Variants in FAM13A observed in about 807,000 individuals in gnomAD.
FAM13A encodes protein FAM13A.
Under a neutral mutation model 129.6 loss-of-function variants are expected in FAM13A, and 76 were observed. The observed-to-expected ratio is 0.59, with a 90% confidence interval of 0.49 to 0.71. FAM13A has a LOEUF of 0.71. FAM13A is among the 30% of genes least tolerant of loss of function. The pLI, the probability that FAM13A is intolerant of heterozygous loss-of-function variation, is 0.00. For missense variants in FAM13A, 1,108 were observed against 1,249.3 expected, an observed-to-expected ratio of 0.89 and a Z score of 1.70; for synonymous variants, 443 against 449.9, an observed-to-expected ratio of 0.98 and a Z score of 0.20.
At chr4:88,812,523 T>C (rs1481534552) in intron 7 of FAM13A, among the ~76,000 whole-genome samples, 1 of 152,186 alleles carries the variant, frequency 6.6e-6, no homozygotes. Flanking sequence ...GTACATGTTG[T>C]TCTTTCTACC....
intron 6 of FAM13A, among the ~76,000 whole-genome samples, chr4:88,895,140 T>C (rs1323622599): frequency 6.6e-6 from 1 of 152,132 alleles, no homozygotes; most frequent in Non-Finnish European, 1.5e-5. Flanking sequence ...ACTTGACTGA[T>C]GTTAGTTATC....
intron 6 of FAM13A, among the ~76,000 whole-genome samples, chr4:88,891,412 C>A (rs936055167): frequency 6.6e-6 from 1 of 151,982 alleles, no homozygotes; most frequent in Non-Finnish European, 1.5e-5. Flanking sequence ...ACAGAGAGAA[C>A]CTGCCTCAAG....
At chr4:88,852,000 G>A (rs1272134086) in intron 6 of FAM13A, among the ~76,000 whole-genome samples, 2 of 152,092 alleles carry the variant, frequency 1.3e-5, no homozygotes, top group African/African-American at 4.8e-5. Context: ...TTGGTACACT[G>A]GAAGCTTTTT....
In FAM13A at chr4:88,906,476, A is replaced by G; in HGVS notation, c.760-14T>C. The G allele has an allele frequency of 1.3e-6, 2 of 1,555,844 alleles. No individual in the cohort carries two copies. Among genetic ancestry groups the G allele is most frequent in the Non-Finnish European group, 1.8e-6 (2 of 1,137,662 alleles). On this transcript the variant is annotated splice_polypyrimidine_tract_variant and intron_variant, in intron 5 of 23. Transcript: ENST00000264344. ...ATAATAGACCTCCTACAAAAGAAGT[A>G]TAAAGGAAACATTAGAGATTAAAGA...
At chr4:88,848,919 C>T (rs1351479263) in intron 7 of FAM13A, among the ~76,000 whole-genome samples, 1 of 152,194 alleles carries the variant, frequency 6.6e-6, no homozygotes, top group Non-Finnish European at 1.5e-5. Context: ...AGTTCTCCCC[C>T]AAATTGTCCT....
chr4:88,882,617 G>T (rs745842788), intron 6 of FAM13A, among the ~76,000 whole-genome samples: 3 of 151,132 alleles, frequency 2.0e-5, no homozygotes, highest in Non-Finnish European at 4.4e-5. Context: ...AAAAAACAAG[G>T]TCTTCAGGCA....
At chr4:88,939,671 T>C (rs1036434508) in intron 4 of FAM13A, among the ~76,000 whole-genome samples, 2 of 152,138 alleles carry the variant, frequency 1.3e-5, no homozygotes, top group Non-Finnish European at 1.5e-5. Flanking sequence ...GCAAAGGTGA[T>C]AGGATGTCGC....
intron 17 of FAM13A, among the ~76,000 whole-genome samples, chr4:88,748,279 C>T (rs1741813510): frequency 6.6e-6 from 1 of 152,170 alleles, no homozygotes. Context: ...TATCTAGTTA[C>T]AGTATCAGTA....
At position 88,987,838 on chromosome 4, in the gene FAM13A, C is replaced by CAAAAAAA. The variant is rs1158179811; in HGVS notation, c.605+3128_605+3134dup. 4.5e-4 allele frequency among the ~76,000 whole-genome samples: 32 copies of CAAAAAAA among 71,154 alleles called. 3 individuals are homozygous for CAAAAAAA. Among genetic ancestry groups the CAAAAAAA allele is most frequent in the South Asian group, 2.4e-3 (4 of 1,646 alleles). 46.7% of individuals were successfully genotyped at this position (71,154 alleles called of 152,430 possible). On this transcript the variant is annotated intron_variant, in intron 4 of 23. Coordinates refer to ENST00000264344, the MANE Select transcript of FAM13A (RefSeq NM_014883.4). Reference sequence around the variant, plus strand: ...GCCTGGGTGACAGTGAGACTCCTCTCAAAAAAAAAAAAAAAAACTTAATCT... The same window carrying CAAAAAAA: ...GCCTGGGTGACAGTGAGACTCCTCTCAAAAAAAAAAAAAAAAAAAAAAAACTTAATCT...
intron 3 of FAM13A, among the ~76,000 whole-genome samples, chr4:88,993,664 C>A (rs572277365): frequency 6.6e-6 from 1 of 152,008 alleles, no homozygotes; most frequent in African/African-American, 2.4e-5. Context: ...GGAAGGGAGA[C>A]GGATGTATTT....
chr4:88,756,290 G>A (rs1743619789), intron 14 of FAM13A, among the ~76,000 whole-genome samples: 1 of 152,164 alleles, frequency 6.6e-6, no homozygotes, highest in South Asian at 2.1e-4. Flanking sequence ...CTTTGCGAGA[G>A]TTCCATTCCA....
chr4:88,927,665 C>A (rs973125446), intron 5 of FAM13A, among the ~76,000 whole-genome samples: 2 of 151,720 alleles, frequency 1.3e-5, no homozygotes, highest in Non-Finnish European at 2.9e-5. Flanking sequence ...TCATAATAGT[C>A]TTTGATGATT....
At chr4:88,850,280 C>A (rs994318883) in intron 7 of FAM13A, among the ~76,000 whole-genome samples, 1 of 152,024 alleles carries the variant, frequency 6.6e-6, no homozygotes. Flanking sequence ...TGTGGCCGGG[C>A]GTGGTGGCTC....
intron 4 of FAM13A, among the ~76,000 whole-genome samples, chr4:88,971,414 A>C (rs1184826280): frequency 6.6e-6 from 1 of 152,090 alleles, no homozygotes; most frequent in East Asian, 1.9e-4. Context: ...TATTTTTATT[A>C]TTTACTTTTT....
intron 6 of FAM13A, among the ~76,000 whole-genome samples, chr4:88,864,930 T>C (rs1251226251): frequency 1.3e-5 from 2 of 152,160 alleles, no homozygotes; most frequent in African/African-American, 4.8e-5. Context: ...ATTAAGTGAC[T>C]ACAGAGCATC....
rs1158179811 is a variant in FAM13A at position 88,987,838 on chromosome 4, CA to C, written c.605+3134del. Among the ~76,000 whole-genome samples the C allele has an allele frequency of 2.5e-3, 175 of 71,190 alleles. 7 individuals are homozygous for C. Among genetic ancestry groups the C allele is most frequent in the Middle Eastern group, 0.014 (1 of 72 alleles). The allele number at this position is 71,190 out of a possible 152,430, so 46.7% of individuals were successfully genotyped here. On this transcript the variant is annotated intron_variant, in intron 4 of 23. Coordinates refer to ENST00000264344, the MANE Select transcript of FAM13A (RefSeq NM_014883.4). Reference sequence around the variant, plus strand: ...GCCTGGGTGACAGTGAGACTCCTCTCAAAAAAAAAAAAAAAAACTTAATCTG... The same window carrying C: ...GCCTGGGTGACAGTGAGACTCCTCTCAAAAAAAAAAAAAAAACTTAATCTG...
At chr4:89,009,035 A>G (rs972848804) in intron 3 of FAM13A, 2 of 152,158 alleles carry the variant, frequency 1.3e-5, no homozygotes, top group Non-Finnish European at 2.9e-5. Flanking sequence ...TAGGTTTATT[A>G]AAGGATCAAC....
intron 6 of FAM13A, among the ~76,000 whole-genome samples, chr4:88,878,167 G>A (rs1742903088): frequency 6.6e-6 from 1 of 151,784 alleles, no homozygotes; most frequent in Non-Finnish European, 1.5e-5. Flanking sequence ...GCGGGTGCCT[G>A]TAGTCCCAGC....
chr4:89,042,455 G>C (rs1770274359), intron 1 of FAM13A, among the ~76,000 whole-genome samples: 1 of 152,096 alleles, frequency 6.6e-6, no homozygotes, highest in Admixed American at 6.5e-5. Flanking sequence ...TCTAAATCTA[G>C]TATATTAATT....
Sources: gnomAD v4.1 joint callset for allele counts (sites outside exome capture counted in the v4.1 genomes callset) on GRCh38, gnomAD v4.1.1 for gene constraint, MANE v1.5 for transcripts, NCBI Gene and HGNC (gene_info 2026-07-23, HGNC 2026-07-21) for gene names.